Variants in FAT3 observed in about 807,000 individuals in gnomAD.
FAT3 encodes the protein protocadherin Fat 3.
Under a neutral mutation model 310.2 loss-of-function variants are expected in FAT3, and 95 were observed. That is an observed-to-expected ratio of 0.31 (90% CI 0.26 to 0.36). The LOEUF (loss-of-function observed/expected upper bound fraction) is 0.36. FAT3 is among the 10% of genes least tolerant of loss of function. The probability of loss-of-function intolerance (pLI) is 1.00; values close to 1 mark genes in which losing one functional copy is unlikely to be tolerated. For synonymous variants in FAT3, 2,314 were observed against 2,192.9 expected (o/e 1.06, Z -1.54); for missense variants, 5,408 against 5,715.6 (o/e 0.95, Z 1.74).
intron 1 of FAT3, among the ~76,000 whole-genome samples, chr11:92,229,492 G>GGTTTTTT (rs1555062544): frequency 1.7e-5 from 1 of 60,236 alleles, no homozygotes; most frequent in African/African-American, 5.9e-5. Flanking sequence ...GTTTTTTCGT[G>GGTTTTTT]TTTTTTTTTT....
chr11:92,487,496 T>C (rs895344061), intron 2 of FAT3, among the ~76,000 whole-genome samples: 3 of 152,214 alleles, frequency 2.0e-5, no homozygotes, highest in African/African-American at 4.8e-5. Context: ...GCCTGTATTA[T>C]TGAGCACGTC....
intron 3 of FAT3, among the ~76,000 whole-genome samples, chr11:92,678,214 G>C (rs1591598012): frequency 1.3e-5 from 2 of 152,126 alleles, no homozygotes; most frequent in East Asian, 3.9e-4. Flanking sequence ...ATCAATCAGA[G>C]GCTGAGGTGG....
At chr11:92,400,234 A>G (rs1323249776) in intron 2 of FAT3, 2 of 152,224 alleles carry the variant, frequency 1.3e-5, no homozygotes, top group African/African-American at 4.8e-5. Context: ...GTGATGATAT[A>G]TTAACTTAGT....
At chr11:92,323,340 C>T (rs1285575388) in intron 1 of FAT3, among the ~76,000 whole-genome samples, 5 of 151,990 alleles carry the variant, frequency 3.3e-5, no homozygotes, top group Admixed American at 3.3e-4. Flanking sequence ...CCTCCGCCTC[C>T]TAGGTTCAAG....
At chr11:92,803,942 T>C (rs754000872) in intron 10 of FAT3, among the ~76,000 whole-genome samples, 9 of 152,172 alleles carry the variant, frequency 5.9e-5, no homozygotes, top group Non-Finnish European at 1.3e-4. Flanking sequence ...AGCAGCCCCT[T>C]GCATTATAAG....
At chr11:92,552,643 A>G (rs1015810695) in intron 3 of FAT3, among the ~76,000 whole-genome samples, 1 of 152,218 alleles carries the variant, frequency 6.6e-6, no homozygotes, top group African/African-American at 2.4e-5. Flanking sequence ...TCTGCTATTT[A>G]CAAGATAAAT....
intron 2 of FAT3, among the ~76,000 whole-genome samples, chr11:92,497,995 GGGGTAGA>G (rs1277878083): frequency 1.3e-5 from 2 of 151,908 alleles, no homozygotes; most frequent in African/African-American, 4.8e-5. Context: ...CTGAGGCCTG[GGGGTAGA>G]GTGGTGTGGC....
At chr11:92,550,195 A>G (rs1278712838) in intron 3 of FAT3, among the ~76,000 whole-genome samples, 1 of 152,164 alleles carries the variant, frequency 6.6e-6, no homozygotes, top group African/African-American at 2.4e-5. Flanking sequence ...GTCAAGGTGT[A>G]TGTATTTGAG....
intron 2 of FAT3, among the ~76,000 whole-genome samples, chr11:92,473,329 T>A (rs1466383082): frequency 7.8e-6 from 1 of 127,450 alleles, no homozygotes; most frequent in Non-Finnish European, 1.6e-5. Flanking sequence ...TTGGGTGGGG[T>A]TGTGCAGAGA....
Position 92,889,256 on chromosome 11 carries a change from C to CT in FAT3, c.13111+15dup. ...ACACTATAGAGAATGAAGGTATTTA[C>CT]TTTTTTTCTTCCATAGCATTTCTTG... On this transcript the variant is annotated intron_variant, in intron 26 of 27. Coordinates refer to ENST00000525166, the MANE Select transcript of FAT3 (RefSeq NM_001367949.2). 2.9e-6 allele frequency: 2 copies of CT among 700,914 alleles called. No individual in the cohort carries two copies. Among genetic ancestry groups the CT allele is most frequent in the East Asian group, 2.7e-5 (1 of 36,626 alleles). 43.4% of individuals were successfully genotyped at this position (700,914 alleles called of 1,614,324 possible).
chr11:92,729,606 T>C (rs1189024897), intron 4 of FAT3, among the ~76,000 whole-genome samples: 1 of 151,920 alleles, frequency 6.6e-6, no homozygotes, highest in Non-Finnish European at 1.5e-5. Flanking sequence ...TTTTGTATTT[T>C]AGTAGAGACT....
At chr11:92,601,115 G>GT (rs1014414078) in intron 3 of FAT3, among the ~76,000 whole-genome samples, 1,850 of 145,298 alleles carry the variant, frequency 0.013, 33 homozygotes, top group African/African-American at 0.038. Flanking sequence ...CCAGAAGAAG[G>GT]TTTTTTTTTT....
chr11:92,282,639 A>G (rs1035420993), intron 1 of FAT3, among the ~76,000 whole-genome samples: 7 of 134,978 alleles, frequency 5.2e-5, no homozygotes, highest in African/African-American at 1.8e-4. Flanking sequence ...ATAAAGAGTG[A>G]AACTCTATCT....
rs762635092 is a variant in FAT3, at chr11:92,790,170, C to A, written c.4563C>A (p.Ala1521=). Residue 1521 remains alanine, a synonymous_variant, in exon 8 of 28, where the codon GCC becomes GCA. Transcript: ENST00000525166. ...CTAGCACTGGCGTGCTCTATACTGC[C>A]GAGAGGCTGGACCATGAGGCCCAGG... The part of the protein sequence containing the change: ...IDPSTGVLYT[A]ERLDHEAQDK... 1.2e-6 allele frequency: 2 copies of A among 1,613,690 alleles called. No individual in the cohort carries two copies. The highest frequency in any genetic ancestry group is 8.5e-7 in the Non-Finnish European group (1 of 1,179,686).
intron 2 of FAT3, among the ~76,000 whole-genome samples, chr11:92,419,629 G>T (rs1950497085): frequency 6.6e-6 from 1 of 152,106 alleles, no homozygotes; most frequent in Non-Finnish European, 1.5e-5. Context: ...TTCATGATTG[G>T]ATTGGTATTT....
rs1238158505 is a variant in FAT3, at chr11:92,755,369, C to T, written c.3670-6487C>T. Reference sequence around the variant, plus strand: ...TCCCGAGTATCTGGGATTACAGGCACGCACCACCATGCCCAGCTAATTTTT... The same window carrying T: ...TCCCGAGTATCTGGGATTACAGGCATGCACCACCATGCCCAGCTAATTTTT... On this transcript the variant is annotated intron_variant, in intron 4 of 27. Coordinates refer to ENST00000525166, the MANE Select transcript of FAT3 (RefSeq NM_001367949.2). Among the ~76,000 whole-genome samples the T allele has an allele frequency of 4.6e-5, 7 of 151,910 alleles. No individual in the cohort carries two copies. The South Asian group carries it at 6.3e-4, about 14-fold the overall frequency.
chr11:92,448,843 A>G (rs1347156971), intron 2 of FAT3, among the ~76,000 whole-genome samples: 1 of 152,110 alleles, frequency 6.6e-6, no homozygotes, highest in Non-Finnish European at 1.5e-5. Flanking sequence ...TGATCTCTGA[A>G]TTCTGCTGTT....
At chr11:92,849,101 T>A (rs1948754492) in intron 19 of FAT3, among the ~76,000 whole-genome samples, 1 of 152,220 alleles carries the variant, frequency 6.6e-6, no homozygotes, top group Admixed American at 6.5e-5. Flanking sequence ...TCATTAACTT[T>A]TTTCAAAAAT....
chr11:92,306,738 TATATAA>T (rs1356612696), intron 1 of FAT3, among the ~76,000 whole-genome samples: 3 of 125,070 alleles, frequency 2.4e-5, no homozygotes, highest in Non-Finnish European at 4.8e-5. Context: ...TATATATTTA[TATATAA>T]ATATATATAA....
Sources: gnomAD v4.1 joint callset for allele counts (sites outside exome capture counted in the v4.1 genomes callset) on GRCh38, gnomAD v4.1.1 for gene constraint, MANE v1.5 for transcripts, NCBI Gene and HGNC (gene_info 2026-07-23, HGNC 2026-07-21) for gene names.